ENTPD4: variants seen among roughly 807,000 people sequenced by gnomAD.
ENTPD4 encodes Golgi UDPase.
Under a neutral mutation model 79.1 loss-of-function variants are expected in ENTPD4, and 60 were observed. That is an observed-to-expected ratio of 0.76 (90% CI 0.62 to 0.94). The LOEUF (loss-of-function observed/expected upper bound fraction) is 0.94. Among genes scored for constraint, ENTPD4 ranks in the 40% least tolerant of loss-of-function variants. The pLI, the probability that ENTPD4 is intolerant of heterozygous loss-of-function variation, is 0.00. For synonymous variants in ENTPD4, 276 were observed against 292.0 expected, an observed-to-expected ratio of 0.95 and a Z score of 0.56; for missense variants, 772 against 775.1, an observed-to-expected ratio of 1.00 and a Z score of 0.05.
intron 1 of ENTPD4, 132 bp from the exon 2 acceptor site, chr8:23,450,129 T>A (rs1371259804): frequency 1.7e-6 from 1 of 582,330 alleles, no homozygotes; most frequent in African/African-American, 1.9e-5. Context: ...TTGGAAGGGT[T>A]TATTCTGAGC....
intron 8 of ENTPD4, 61 bp from the exon 9 acceptor site, chr8:23,439,976 G>T: frequency 6.8e-7 from 1 of 1,461,172 alleles, no homozygotes. Flanking sequence ...CTACTAAAAA[G>T]AAAAGTCTAA....
intron 8 of ENTPD4, 84 bp from the exon 9 acceptor site, chr8:23,439,999 C>T (rs79334888): frequency 8.6e-7 from 1 of 1,158,672 alleles, no homozygotes; most frequent in East Asian, 2.4e-5. Flanking sequence ...ATAGTCTCAT[C>T]TAAAAGGGAC....
chr8:23,456,398 T>G (rs1732131884), intron 1 of ENTPD4, among the ~76,000 whole-genome samples: 1 of 152,252 alleles, frequency 6.6e-6, no homozygotes, highest in South Asian at 2.1e-4. Flanking sequence ...TCCTGATGTT[T>G]TCTTACAATT....
Position 23,439,845 on chromosome 8 carries a change from T to C in ENTPD4, c.953A>G (p.Tyr318Cys), listed in dbSNP as rs912793665. ...GCDVHQTEHVYRVYVATFLGF... is the reference protein window; with the variant it reads ...GCDVHQTEHVCRVYVATFLGF... Reference sequence around the variant, plus strand: ...AAGAAACGTGGCCACATAGACTCGATACACATGCTCAGTTTGGTGAACATC... The same window carrying C: ...AAGAAACGTGGCCACATAGACTCGACACACATGCTCAGTTTGGTGAACATC... The change falls in exon 9 of 13, where the codon TAT (tyrosine) becomes TGT (cysteine). Residue 318 changes from tyrosine to cysteine, a missense_variant. Coordinates refer to ENST00000358689, the MANE Select transcript of ENTPD4 (RefSeq NM_004901.5). The C allele has an allele frequency of 1.2e-6, 2 of 1,614,142 alleles. No homozygotes were observed. The highest frequency in any genetic ancestry group is 1.7e-5 in the Admixed American group (1 of 60,030).
At chr8:23,433,334 C>T (rs994172539) in intron 12 of ENTPD4, among the ~76,000 whole-genome samples, 180 bp from the exon 13 acceptor site, 3 of 152,158 alleles carry the variant, frequency 2.0e-5, no homozygotes, top group South Asian at 4.1e-4. Flanking sequence ...AGTGAGATAA[C>T]ATGTGAAAGT....
intron 4 of ENTPD4, among the ~76,000 whole-genome samples, chr8:23,445,058 C>T (rs1025971397): frequency 6.6e-6 from 1 of 152,176 alleles, no homozygotes; most frequent in Non-Finnish European, 1.5e-5. Context: ...ACCCCCAATG[C>T]ATCATGGCAA....
intron 1 of ENTPD4, among the ~76,000 whole-genome samples, chr8:23,453,743 T>G (rs1159824556): frequency 1.3e-5 from 2 of 152,184 alleles, no homozygotes; most frequent in East Asian, 1.9e-4. Context: ...CGAACACTTA[T>G]GCATGCCTAT....
rs761116482 is a variant in ENTPD4 at position 23,444,505 on chromosome 8, T to C, written c.514A>G (p.Thr172Ala). Residue 172 changes from threonine (T) to alanine (A), a missense_variant, in exon 5 of 13, where the codon ACA becomes GCA. Coordinates refer to ENST00000358689, the MANE Select transcript of ENTPD4 (RefSeq NM_004901.5). ...GCCGTGCAGAGAATGTAGAGAGGTG[T>C]CTCTTTGTGTTTTGCCCGTGGCACA... is the stretch of plus-strand genomic sequence containing the variant. The part of the protein sequence containing the change: ...EHVPRAKHKE[T>A]PLYILCTAGM... 1.9e-6 allele frequency: 3 copies of C among 1,614,138 alleles called. No individual in the cohort carries two copies. The highest frequency in any genetic ancestry group is 2.5e-6 in the Non-Finnish European group (3 of 1,180,012).
At chr8:23,455,968 A>T (rs1432670506) in intron 1 of ENTPD4, among the ~76,000 whole-genome samples, 1 of 152,192 alleles carries the variant, frequency 6.6e-6, no homozygotes, top group Non-Finnish European at 1.5e-5. Flanking sequence ...TGACCACAGC[A>T]GGCACCACTA....
intron 6 of ENTPD4, 29 bp downstream of exon 6, chr8:23,443,821 A>C: frequency 7.0e-7 from 1 of 1,432,404 alleles, no homozygotes; most frequent in South Asian, 1.2e-5. Context: ...CAGCTTCCCA[A>C]ATTTTAAACT....
Position 23,437,849 on chromosome 8 carries a change from T to C in ENTPD4, c.1050-591A>G, listed in dbSNP as rs79822784. Among the ~76,000 whole-genome samples the C allele has an allele frequency of 3.9e-5, 6 of 152,320 alleles. No homozygotes were observed. In the East Asian group the frequency reaches 1.2e-3, roughly 29 times the overall value. On this transcript the variant is annotated intron_variant, in intron 9 of 12. Transcript: ENST00000358689. ...GTATCTCAATGAGGGGTGCAGTGCA[T>C]GCCAAAGAAAGGATGGAGTCTAAAA...
At chr8:23,439,025 T>C (rs1273729957) in intron 9 of ENTPD4, among the ~76,000 whole-genome samples, 2 of 152,216 alleles carry the variant, frequency 1.3e-5, no homozygotes, top group African/African-American at 4.8e-5. Flanking sequence ...ATAAATAGGA[T>C]AGCTTACATA....
At chr8:23,440,269 T>C (rs1426235895) in intron 8 of ENTPD4, among the ~76,000 whole-genome samples, 1 of 152,268 alleles carries the variant, frequency 6.6e-6, no homozygotes. Flanking sequence ...CAGAAAAAAC[T>C]AGATGTCATC....
intron 9 of ENTPD4, among the ~76,000 whole-genome samples, 183 bp from the exon 10 acceptor site, chr8:23,437,441 GGA>G (rs1193465906): frequency 3.9e-5 from 6 of 152,158 alleles, no homozygotes; most frequent in East Asian, 1.9e-4. Context: ...AGACTTTCTT[GGA>G]GAGTCAGGAT....
intron 5 of ENTPD4, 98 bp from the exon 6 acceptor site, chr8:23,444,051 G>T (rs1800720173): frequency 2.6e-6 from 2 of 762,324 alleles, no homozygotes; most frequent in East Asian, 5.4e-5. Flanking sequence ...ACAAAACCAG[G>T]GATCTGGTAT....
rs1406285150 is a variant in ENTPD4 at position 23,430,411 on chromosome 8, C to T, written c.*2515G>A. The T allele has an allele frequency of 1.0e-6, 1 of 985,354 alleles. No homozygotes were observed. The highest frequency in any genetic ancestry group is 1.2e-6 in the Non-Finnish European group (1 of 829,946). The allele number at this position is 985,354 out of a possible 1,614,324, so 61.0% of individuals were successfully genotyped here. On this transcript the variant is annotated 3_prime_UTR_variant, in exon 13 of 13. Coordinates refer to ENST00000358689, the MANE Select transcript of ENTPD4 (RefSeq NM_004901.5). The stretch of plus-strand genomic sequence containing the variant: ...AAGTTTGGTTACTTCTCTTGTCCAT[C>T]TTTTCGTGCCCACAAATGGAAACTA...
chr8:23,449,013 A>G, intron 2 of ENTPD4, 74 bp from the exon 3 acceptor site: 1 of 1,276,732 alleles, frequency 7.8e-7, no homozygotes, highest in Non-Finnish European at 1.1e-6. Context: ...TGATCCTAAA[A>G]TAAGATATTT....
chr8:23,448,232 T>C (rs184029096), intron 3 of ENTPD4, among the ~76,000 whole-genome samples: 1 of 152,330 alleles, frequency 6.6e-6, no homozygotes, highest in African/African-American at 2.4e-5. Context: ...ATGGATTTGG[T>C]AGTTAGCAGT....
intron 3 of ENTPD4, 102 bp downstream of exon 3, chr8:23,448,640 T>G: frequency 1.1e-6 from 1 of 932,292 alleles, no homozygotes; most frequent in Non-Finnish European, 1.6e-6. Context: ...TTGCTGTTGT[T>G]TATAAGCCAC....
Sources: gnomAD v4.1 joint callset for allele counts (sites outside exome capture counted in the v4.1 genomes callset) on GRCh38, gnomAD v4.1.1 for gene constraint, MANE v1.5 for transcripts, NCBI Gene and HGNC (gene_info 2026-07-23, HGNC 2026-07-21) for gene names.